Variants in ENG observed in about 807,000 individuals in gnomAD.
ENG encodes CD105 antigen.
Under a neutral mutation model 71.0 loss-of-function variants are expected in ENG, and 17 were observed. The observed-to-expected ratio is 0.24, with a 90% CI of 0.16 to 0.36. The LOEUF (loss-of-function observed/expected upper bound fraction) is 0.36. Ranked by LOEUF, ENG falls within the 10% of genes least tolerant of loss-of-function variation. ENG has a pLI of 1.00. For missense variants in ENG, 749 were observed against 868.3 expected, an observed-to-expected ratio of 0.86 and a Z score of 1.73; for synonymous variants, 360 against 366.9, an observed-to-expected ratio of 0.98 and a Z score of 0.21.
intron 1 of ENG, among the ~76,000 whole-genome samples, chr9:127,848,435 A>G (rs1831223005): frequency 6.6e-6 from 1 of 152,020 alleles, no homozygotes; most frequent in Non-Finnish European, 1.5e-5. Context: ...GGTATGAGTC[A>G]TTATGCCCAA....
intron 2 of ENG, among the ~76,000 whole-genome samples, chr9:127,837,617 C>T (rs1830929872): frequency 1.3e-5 from 2 of 152,158 alleles, no homozygotes. Context: ...AAACCAACAC[C>T]TCCGAACGAC....
At chr9:127,841,407 AGAG>A (rs962706030) in intron 2 of ENG, among the ~76,000 whole-genome samples, 3 of 152,200 alleles carry the variant, frequency 2.0e-5, no homozygotes, top group Non-Finnish European at 4.4e-5. Context: ...CCAGTCACCC[AGAG>A]GAGGCACAGG....
chr9:127,833,415 G>A (rs938422770), intron 2 of ENG, among the ~76,000 whole-genome samples: 2 of 151,864 alleles, frequency 1.3e-5, no homozygotes. Flanking sequence ...CAGCTACTCG[G>A]GAGGCTGAGG....
rs987971882 is a variant in ENG at position 127,817,749 on chromosome 9, C to G, written c.1686+371G>C. 6 of 405,412 alleles carry G rather than the reference C, an allele frequency of 1.5e-5. No homozygotes were observed. The Admixed American group carries it at 2.3e-4, about 15-fold the overall frequency. 25.1% of individuals were successfully genotyped at this position (405,412 alleles called of 1,614,324 possible). ...GAGTGTGTGTCCTTTGTCCGCCTCT[C>G]TTCCCTCAGGTCTCCTGTTCTTTGA... On this transcript the variant is annotated intron_variant, in intron 12 of 14. Transcript: ENST00000373203.
rs1351448795 is a variant in ENG at position 127,815,724 on chromosome 9, C to T, written c.1935G>A (p.Gly645=). 1.5e-5 allele frequency: 24 copies of T among 1,560,416 alleles called. No homozygotes were observed. The highest frequency in any genetic ancestry group is 2.7e-5 in the African/African-American group (2 of 73,864). Residue 645 remains glycine (G), a synonymous_variant, in exon 15 of 15, where the codon GGG becomes GGA. Transcript: ENST00000373203. ...TGGAGCAGGGGGTGCTCTGGGTGCTCCCGATGCTGTGGTTGGTGCTGCTGC... is the reference window on the plus strand; with the variant it reads ...TGGAGCAGGGGGTGCTCTGGGTGCTTCCGATGCTGTGGTTGGTGCTGCTGC... ...SESSSTNHSI[G]STQSTPCSTS...
At position 127,829,801 on chromosome 9, in the gene ENG, G is replaced by A. The variant is rs1168709015; in HGVS notation, c.246C>T (p.Leu82=). 1 of 1,614,096 alleles carries A rather than the reference G, an allele frequency of 6.2e-7. No homozygotes were observed. The highest frequency in any genetic ancestry group is 8.5e-7 in the Non-Finnish European group (1 of 1,180,032). The change falls in exon 3 of 15, where the codon CTC becomes CTT. Residue 82 remains leucine, a synonymous_variant. Coordinates refer to ENST00000373203, the MANE Select transcript of ENG (RefSeq NM_001114753.3). ...PTGPSQLELT[L]QASKQNGTWP... ...AGGTGCCATTTTGCTTGGATGCCTG[G>A]AGAGTCAGCTCCAGCTGTGACGGGC...
chr9:127,818,427 AC>A, intron 11 of ENG, 50 bp from the exon 12 acceptor site: 1 of 1,605,248 alleles, frequency 6.2e-7, no homozygotes. Flanking sequence ...TCTTCACCCC[AC>A]CCCACCTGCT....
chr9:127,853,097 C>G lies in ENG; in HGVS notation c.67+1192G>C, dbSNP rs141326503. Among the ~76,000 whole-genome samples, 192 of 152,250 alleles carry G rather than the reference C, an allele frequency of 1.3e-3. 2 individuals carry two copies. Among genetic ancestry groups the G allele is most frequent in the Middle Eastern group, 6.8e-3 (2 of 294 alleles). On this transcript the variant is annotated intron_variant, in intron 1 of 14. Coordinates refer to ENST00000373203, the MANE Select transcript of ENG (RefSeq NM_001114753.3). The stretch of plus-strand genomic sequence containing the variant: ...TTGTGAGCCGCATTAAGAGGGTTCG[C>G]CCTATCACACCTTACTAGGAGCAAA...
intron 5 of ENG, 100 bp downstream of exon 5, chr9:127,825,595 G>T: frequency 7.7e-7 from 1 of 1,290,908 alleles, no homozygotes; most frequent in Non-Finnish European, 1.0e-6. Flanking sequence ...GGCTGGGACT[G>T]GGGTGGGGCT....
intron 2 of ENG, among the ~76,000 whole-genome samples, chr9:127,831,594 G>A (rs942232768): frequency 6.6e-6 from 1 of 151,580 alleles, no homozygotes; most frequent in South Asian, 2.1e-4. Flanking sequence ...CACCATGTTG[G>A]TCAGGCTGGT....
intron 1 of ENG, among the ~76,000 whole-genome samples, chr9:127,843,732 C>CACACAT (rs1554812389): frequency 7.8e-5 from 1 of 12,754 alleles, no homozygotes; most frequent in African/African-American, 2.4e-4. Flanking sequence ...CACACATCCA[C>CACACAT]ATACATATAT....
In ENG at chr9:127,830,534, C is replaced by T. The variant is rs1442740715; in HGVS notation, c.220-707G>A. 2.6e-5 allele frequency among the ~76,000 whole-genome samples: 4 copies of T among 151,694 alleles called. No homozygotes were observed. In the South Asian group the frequency reaches 6.2e-4, roughly 24 times the overall value. On this transcript the variant is annotated intron_variant, in intron 2 of 14. Transcript: ENST00000373203. ...TGGTGGTGGATGCCTGTAATTCCAA[C>T]TACTTGGGAGGCTGAGGCAGGAGAA... is the stretch of plus-strand genomic sequence containing the variant.
At chr9:127,844,924 G>A (rs892326661) in intron 1 of ENG, among the ~76,000 whole-genome samples, 2 of 152,184 alleles carry the variant, frequency 1.3e-5, no homozygotes, top group Non-Finnish European at 2.9e-5. Context: ...CCGAGAAGGC[G>A]GCCCAGGTTT....
intron 2 of ENG, among the ~76,000 whole-genome samples, chr9:127,837,033 C>CAATGGGAG (rs1830917908): frequency 6.6e-6 from 1 of 152,148 alleles, no homozygotes; most frequent in African/African-American, 2.4e-5. Context: ...AATGATCCAC[C>CAATGGGAG]CACTTCGGCC....
intron 8 of ENG, 86 bp from the exon 9 acceptor site, chr9:127,820,123 C>T: frequency 6.5e-7 from 1 of 1,531,900 alleles, no homozygotes; most frequent in Non-Finnish European, 8.8e-7. Context: ...GACCACAACC[C>T]AGGGGTCCCA....
chr9:127,831,177 T>C (rs966599946), intron 2 of ENG, among the ~76,000 whole-genome samples: 1 of 151,056 alleles, frequency 6.6e-6, no homozygotes, highest in Non-Finnish European at 1.5e-5. Context: ...TTTTTTTTTT[T>C]AGAGACAGAG....
intron 11 of ENG, 80 bp downstream of exon 11, chr9:127,818,636 C>T (rs1830392686): frequency 1.3e-6 from 2 of 1,518,294 alleles, no homozygotes; most frequent in African/African-American, 2.7e-5. Flanking sequence ...CTCATCTCCT[C>T]TGGAGTCATG....
At chr9:127,827,502 A>G (rs1830649511) in intron 3 of ENG, among the ~76,000 whole-genome samples, 2 of 152,124 alleles carry the variant, frequency 1.3e-5, no homozygotes, top group African/African-American at 4.8e-5. Context: ...TTCCTGGAAG[A>G]GTGACTCTGG....
rs1830615735 is a variant in ENG, at chr9:127,826,403, T to C, written c.523+107A>G. 1.2e-5 allele frequency: 17 copies of C among 1,428,684 alleles called. 1 individual carries two copies. The South Asian group carries it at 2.2e-4, about 18-fold the overall frequency. The allele number at this position is 1,428,684 out of a possible 1,614,324, so 88.5% of individuals were successfully genotyped here. On this transcript the variant is annotated intron_variant, in intron 4 of 14. Coordinates refer to ENST00000373203, the MANE Select transcript of ENG (RefSeq NM_001114753.3). ...GTGGCATGTGAACTGTGGCACAGCG[T>C]GTCCCCTCCTGCACTCTTGGTGCCC...
Sources: allele counts gnomAD v4.1 joint callset (sites outside exome capture counted in the v4.1 genomes callset), GRCh38; gene constraint gnomAD v4.1.1; transcripts MANE v1.5; gene names NCBI Gene and HGNC (gene_info 2026-07-23, HGNC 2026-07-21).